LRRN4: variants seen among roughly 807,000 people sequenced by gnomAD.
The protein encoded by LRRN4 is leucine rich repeat neuronal 4, also known as leucine-rich repeat neuronal protein 4.
LRRN4 carries 26 observed loss-of-function variants against 22.3 expected under a neutral mutation model. The ratio of observed to expected loss-of-function variants is 1.16; its 90% CI spans 0.85 to 1.62. The LOEUF (loss-of-function observed/expected upper bound fraction) is 1.62. Among genes scored for constraint, LRRN4 ranks in the 40% most tolerant of loss-of-function variants. LRRN4 has a pLI of 0.00. For missense variants in LRRN4, 1,070 were observed against 1,008.5 expected (o/e 1.06, Z -0.83); for synonymous variants, 496 against 486.2 (o/e 1.02, Z -0.26).
intron 3 of LRRN4, among the ~76,000 whole-genome samples, chr20:6,048,727 A>G (rs957521775): frequency 6.6e-6 from 1 of 152,162 alleles, no homozygotes; most frequent in Non-Finnish European, 1.5e-5. Context: ...GATCTTTACT[A>G]TCCAGCAGGC....
chr20:6,051,763 T>A (rs919758169), intron 2 of LRRN4, among the ~76,000 whole-genome samples: 1 of 152,092 alleles, frequency 6.6e-6, no homozygotes, highest in Non-Finnish European at 1.5e-5. Context: ...TGCACTCACT[T>A]CCCCATTCCA....
chr20:6,047,467 CAGAG>C (rs1282846126), intron 3 of LRRN4, among the ~76,000 whole-genome samples: 4 of 121,780 alleles, frequency 3.3e-5, no homozygotes, highest in Middle Eastern at 5.2e-3. Flanking sequence ...CACACACACA[CAGAG>C]ACACACACCA....
At chr20:6,045,151 T>C (rs1265541582) in intron 3 of LRRN4, among the ~76,000 whole-genome samples, 1 of 148,708 alleles carries the variant, frequency 6.7e-6, no homozygotes, top group African/African-American at 2.4e-5. Context: ...AAAAAGAATG[T>C]GTGTTGGCTG....
rs764104845 is a variant in LRRN4 at position 6,052,532 on chromosome 20, G to A, written c.268C>T (p.Leu90=). Residue 90 remains leucine (L), a synonymous_variant, in exon 2 of 5, where the codon CTG becomes TTG. Transcript: ENST00000378858. ...AGGTGGCCGAGCTCGGAAGTGCTCA[G>A]GGCGCGCAGCAGGTTGTGGCTGGCG... ...LDASHNLLRA[L]STSELGHLEQ... 7.6e-6 allele frequency: 12 copies of A among 1,587,716 alleles called. No homozygotes were observed. Among genetic ancestry groups the A allele is most frequent in the South Asian group, 4.5e-5 (4 of 88,864 alleles).
chr20:6,052,692 C>G lies in LRRN4; in HGVS notation c.108G>C (p.Trp36Cys). Residue 36 changes from tryptophan (W) to cysteine (C), a missense_variant, in exon 2 of 5, where the codon TGG (tryptophan) becomes TGC (cysteine). Physicochemically the swap from Trp to Cys is radical, Grantham distance 215. Coordinates refer to ENST00000378858, the MANE Select transcript of LRRN4 (RefSeq NM_152611.5). ...CGGTGGCGTTGCTGCCACTGCTCCC[C>G]CAGGGGCCCTGCTGAGTGACCCGGA... Reference protein sequence around the residue: ...PLFRVTQQGPWGSSGSNATDS... With the variant: ...PLFRVTQQGPCGSSGSNATDS... 8.3e-6 allele frequency: 13 copies of G among 1,573,126 alleles called. No homozygotes were observed. The highest frequency in any genetic ancestry group is 1.1e-5 in the Non-Finnish European group (13 of 1,167,208).
Position 6,044,626 on chromosome 20 carries a change from C to T in LRRN4, c.915G>A (p.Ser305=), listed in dbSNP as rs746182400. The change falls in exon 4 of 5, where the codon TCG becomes TCA. Residue 305 remains serine, a synonymous_variant. Coordinates refer to ENST00000378858, the MANE Select transcript of LRRN4 (RefSeq NM_152611.5). The stretch of plus-strand genomic sequence containing the variant: ...TGAGGGGGTTGCCAAAGAGGTTGAT[C>T]GATAGGACCTGGGAGGAATCCAGGG... The part of the protein sequence containing the change: ...PWTLDSSQVL[S]INLFGNPLTC... 1.8e-5 allele frequency: 29 copies of T among 1,595,962 alleles called. No individual in the cohort carries two copies. Among genetic ancestry groups the T allele is most frequent in the South Asian group, 2.3e-5 (2 of 86,366 alleles).
rs781753947 is a variant in LRRN4, at chr20:6,052,679, T to C, written c.121A>G (p.Ser41Gly). The change falls in exon 2 of 5, where the codon AGC (serine) becomes GGC (glycine). Residue 41 changes from serine to glycine, a missense_variant. Transcript: ENST00000378858. ...TCGCAGGGCGAGTCGGTGGCGTTGCTGCCACTGCTCCCCCAGGGGCCCTGC... is the reference window on the plus strand; with the variant it reads ...TCGCAGGGCGAGTCGGTGGCGTTGCCGCCACTGCTCCCCCAGGGGCCCTGC... ...TQQGPWGSSG[S>G]NATDSPCEGL... The C allele has an allele frequency of 1.3e-6, 2 of 1,576,394 alleles. No homozygotes were observed. Among genetic ancestry groups the C allele is most frequent in the Non-Finnish European group, 1.7e-6 (2 of 1,168,870 alleles).
rs1409615576 is a variant in LRRN4, at chr20:6,053,998, G to A, written c.-174C>T. Reference sequence around the variant, plus strand: ...CTCCCACAACCCCCATCCACTGAGAGGGACTGAGATACTCCAGTCTTTCCC... The same window carrying A: ...CTCCCACAACCCCCATCCACTGAGAAGGACTGAGATACTCCAGTCTTTCCC... On this transcript the variant is annotated 5_prime_UTR_variant, in exon 1 of 5. Coordinates refer to ENST00000378858, the MANE Select transcript of LRRN4 (RefSeq NM_152611.5). The A allele has an allele frequency of 6.6e-6, 1 of 152,420 alleles. No individual in the cohort carries two copies. Among genetic ancestry groups the A allele is most frequent in the Non-Finnish European group, 1.5e-5 (1 of 68,204 alleles). 9.4% of individuals were successfully genotyped at this position (152,420 alleles called of 1,614,324 possible). A position where few individuals can be genotyped will look rare whatever the true frequency, so the allele number is the denominator to read the frequency against.
intron 3 of LRRN4, among the ~76,000 whole-genome samples, chr20:6,047,742 G>A (rs537754058): frequency 1.3e-4 from 20 of 150,260 alleles, no homozygotes; most frequent in Admixed American, 2.0e-4. Flanking sequence ...AGTGAGCTGA[G>A]ATAGAGCCAC....
At chr20:6,045,430 C>A (rs742709) in intron 3 of LRRN4, among the ~76,000 whole-genome samples, 7,466 of 147,860 alleles carry the variant, frequency 0.05, 744 homozygotes, top group Admixed American at 0.074. Context: ...AGAGTGAGAC[C>A]CTGTCTCAAA....
intron 3 of LRRN4, among the ~76,000 whole-genome samples, chr20:6,048,643 G>A (rs1981167396): frequency 2.0e-5 from 3 of 152,134 alleles, no homozygotes; most frequent in Admixed American, 6.5e-5. Flanking sequence ...TTCAATATAT[G>A]CTTAGAACTA....
At chr20:6,052,010 T>C (rs1981256381) in intron 2 of LRRN4, 135 bp downstream of exon 2, 1 of 1,060,766 alleles carries the variant, frequency 9.4e-7, no homozygotes, top group Non-Finnish European at 1.3e-6. Flanking sequence ...ATGTAGCTGG[T>C]GTCTTTTTGA....
chr20:6,053,326 C>G (rs1338541052), intron 1 of LRRN4, among the ~76,000 whole-genome samples: 1 of 152,084 alleles, frequency 6.6e-6, no homozygotes, highest in African/African-American at 2.4e-5. Flanking sequence ...CAGGGGAATC[C>G]TAGTTTGCCT....
At position 6,052,773 on chromosome 20, in the gene LRRN4, C is replaced by T. The variant is rs1218424783; in HGVS notation, c.27G>A (p.Leu9=). MRQTLPLL[L]LTVLRPSWAD... is the part of the protein sequence containing the mutation. ...CCCAGCTGGGGCGCAGCACCGTCAG[C>T]AGCAGCAGCGGTAGGGTTTGCCGCA... is the stretch of plus-strand genomic sequence containing the variant. The change falls in exon 2 of 5, where the codon CTG becomes CTA. Residue 9 remains leucine (L), a synonymous_variant. Transcript: ENST00000378858. 4.4e-6 allele frequency: 7 copies of T among 1,574,698 alleles called. No individual in the cohort carries two copies. The highest frequency in any genetic ancestry group is 6.0e-6 in the Non-Finnish European group (7 of 1,168,088).
chr20:6,053,743 C>T (rs1438096205), intron 1 of LRRN4, 87 bp downstream of exon 1: 1 of 152,384 alleles, frequency 6.6e-6, no homozygotes, highest in Non-Finnish European at 1.5e-5. Flanking sequence ...AAGGGTCTCC[C>T]TATTACTAGC....
intron 2 of LRRN4, among the ~76,000 whole-genome samples, chr20:6,051,683 T>C (rs1169795065): frequency 2.0e-5 from 3 of 152,232 alleles, no homozygotes; most frequent in Non-Finnish European, 4.4e-5. Context: ...GAATTCATCC[T>C]GGAAGCCTCA....
At chr20:6,047,819 G>A (rs541213838) in intron 3 of LRRN4, among the ~76,000 whole-genome samples, 31 of 151,270 alleles carry the variant, frequency 2.0e-4, no homozygotes, top group African/African-American at 3.2e-4. Context: ...ACCCACAGGC[G>A]TCACGAGACT....
chr20:6,046,967 AT>A (rs1204909140), intron 3 of LRRN4, among the ~76,000 whole-genome samples: 3 of 151,504 alleles, frequency 2.0e-5, no homozygotes, highest in South Asian at 2.1e-4. Context: ...AGAGGATTAT[AT>A]TTTTTTTTCT....
rs751788857 is a variant in LRRN4, at chr20:6,044,618, A to G, written c.923T>C (p.Leu308Pro). Residue 308 changes from leucine (L) to proline (P), a missense_variant, in exon 4 of 5, where the codon CTC (leucine) becomes CCC (proline). By Grantham distance (98) the Leu-to-Pro change is moderately conservative (BLOSUM62 -3). Coordinates refer to ENST00000378858, the MANE Select transcript of LRRN4 (RefSeq NM_152611.5). ...LDSSQVLSIN[L>P]FGNPLTCSCD... ...ACTGCAAGTGAGGGGGTTGCCAAAGAGGTTGATCGATAGGACCTGGGAGGA... is the reference window on the plus strand; with the variant it reads ...ACTGCAAGTGAGGGGGTTGCCAAAGGGGTTGATCGATAGGACCTGGGAGGA... The G allele has an allele frequency of 6.3e-7, 1 of 1,597,586 alleles. No individual in the cohort carries two copies. The highest frequency in any genetic ancestry group is 8.5e-7 in the Non-Finnish European group (1 of 1,172,052).
Sources: allele counts gnomAD v4.1 joint callset (sites outside exome capture counted in the v4.1 genomes callset), GRCh38; gene constraint gnomAD v4.1.1; transcripts MANE v1.5; gene names NCBI Gene and HGNC (gene_info 2026-07-23, HGNC 2026-07-21).